Variants in PPP2R5E observed in about 807,000 individuals in gnomAD.
The protein encoded by PPP2R5E is serine/threonine-protein phosphatase 2A 56 kDa regulatory subunit epsilon isoform.
PPP2R5E carries 4 observed loss-of-function variants against 65.3 expected under a neutral mutation model. The observed-to-expected ratio is 0.06, with a 90% confidence interval of 0.03 to 0.14. PPP2R5E has a LOEUF of 0.14. PPP2R5E is among the 10% of genes least tolerant of loss of function. The pLI, the probability that PPP2R5E is intolerant of heterozygous loss-of-function variation, is 1.00. For synonymous variants in PPP2R5E, 183 were observed against 187.4 expected (o/e 0.98, Z 0.19); for missense variants, 274 against 556.1 (o/e 0.49, Z 5.10).
chr14:63,401,157 T>G (rs1016124666), intron 5 of PPP2R5E, among the ~76,000 whole-genome samples: 3 of 152,220 alleles, frequency 2.0e-5, no homozygotes, highest in African/African-American at 7.2e-5. Flanking sequence ...TCTGCTTCTC[T>G]GTAGAGAACA....
At chr14:63,478,449 G>A (rs1485845860) in intron 2 of PPP2R5E, among the ~76,000 whole-genome samples, 1 of 151,962 alleles carries the variant, frequency 6.6e-6, no homozygotes, top group South Asian at 2.1e-4. Flanking sequence ...TCAAAAAAAT[G>A]AGTGAGAAAA....
chr14:63,511,703 G>A (rs1203509661), intron 2 of PPP2R5E, among the ~76,000 whole-genome samples: 1 of 152,176 alleles, frequency 6.6e-6, no homozygotes, highest in Non-Finnish European at 1.5e-5. Flanking sequence ...GAAAAGGAAA[G>A]AGCACAAGTC....
intron 3 of PPP2R5E, among the ~76,000 whole-genome samples, chr14:63,448,665 T>C (rs1888640763): frequency 6.6e-6 from 1 of 152,056 alleles, no homozygotes; most frequent in African/African-American, 2.4e-5. Context: ...GGCTCCCGTG[T>C]ATAATGCCAG....
At chr14:63,539,751 G>T in intron 1 of PPP2R5E, 59 bp from the exon 2 acceptor site, 1 of 1,471,812 alleles carries the variant, frequency 6.8e-7, no homozygotes, top group Non-Finnish European at 9.3e-7. Flanking sequence ...ATACATGTGA[G>T]TTATACAAAT....
intron 3 of PPP2R5E, among the ~76,000 whole-genome samples, chr14:63,424,307 G>C (rs1226827967): frequency 6.6e-6 from 1 of 152,152 alleles, no homozygotes; most frequent in Non-Finnish European, 1.5e-5. Context: ...CATATTAAGG[G>C]AGCAGTATCT....
At chr14:63,445,582 C>A (rs1010644054) in intron 3 of PPP2R5E, among the ~76,000 whole-genome samples, 1 of 152,094 alleles carries the variant, frequency 6.6e-6, no homozygotes, top group Non-Finnish European at 1.5e-5. Context: ...GGTGGTCTCA[C>A]GCCTGTAATC....
chr14:63,421,866 C>G, intron 4 of PPP2R5E, 127 bp downstream of exon 4: 1 of 688,930 alleles, frequency 1.5e-6, no homozygotes, highest in Non-Finnish European at 2.5e-6. Context: ...AAAAAACATT[C>G]TCTAACTTTC....
intron 2 of PPP2R5E, 23 bp downstream of exon 2, chr14:63,539,506 C>T (rs756272798): frequency 8.1e-6 from 13 of 1,600,726 alleles, no homozygotes; most frequent in Admixed American, 1.7e-5. Flanking sequence ...AAAAAGAATG[C>T]ATCACCTGGT....
At chr14:63,524,871 C>G (rs78694992) in intron 2 of PPP2R5E, among the ~76,000 whole-genome samples, 1 of 152,214 alleles carries the variant, frequency 6.6e-6, no homozygotes, top group East Asian at 1.9e-4. Flanking sequence ...CACCTTCAGT[C>G]TCCTCGTAAT....
At chr14:63,427,637 A>C (rs911868489) in intron 3 of PPP2R5E, among the ~76,000 whole-genome samples, 1 of 152,052 alleles carries the variant, frequency 6.6e-6, no homozygotes, top group Admixed American at 6.5e-5. Context: ...AGAAAGAAAG[A>C]AAAAAAGGAG....
intron 5 of PPP2R5E, among the ~76,000 whole-genome samples, chr14:63,397,095 C>T (rs920209613): frequency 2.6e-5 from 4 of 152,200 alleles, no homozygotes; most frequent in Admixed American, 6.5e-5. Flanking sequence ...AACGTGCCCA[C>T]GGTCTCACAG....
intron 2 of PPP2R5E, among the ~76,000 whole-genome samples, chr14:63,454,907 A>AT (rs2139483065): frequency 6.6e-6 from 1 of 152,216 alleles, no homozygotes; most frequent in African/African-American, 2.4e-5. Context: ...ATTCTTCTCC[A>AT]TTTTTCACAC....
intron 7 of PPP2R5E, 31 bp downstream of exon 7, chr14:63,395,195 T>C (rs1310691841): frequency 6.4e-7 from 1 of 1,568,024 alleles, no homozygotes; most frequent in Non-Finnish European, 8.8e-7. Flanking sequence ...AATATTCATC[T>C]GAGATTAGCA....
intron 2 of PPP2R5E, among the ~76,000 whole-genome samples, chr14:63,488,710 G>T (rs575241350): frequency 6.6e-6 from 1 of 151,520 alleles, no homozygotes; most frequent in South Asian, 2.1e-4. Flanking sequence ...TTAGCCTGGC[G>T]TGGTGGCGCA....
chr14:63,412,712 A>T (rs551795914), intron 5 of PPP2R5E, among the ~76,000 whole-genome samples: 1 of 152,342 alleles, frequency 6.6e-6, no homozygotes, highest in African/African-American at 2.4e-5. Context: ...ATTTCTATTT[A>T]TCTTGGGGAT....
At chr14:63,483,389 A>G (rs1420242260) in intron 2 of PPP2R5E, among the ~76,000 whole-genome samples, 1 of 151,862 alleles carries the variant, frequency 6.6e-6, no homozygotes, top group East Asian at 1.9e-4. Context: ...TCTCCCTCAA[A>G]GAAGTAGTGA....
chr14:63,517,528 CAT>C (rs975550089), intron 2 of PPP2R5E, among the ~76,000 whole-genome samples: 3 of 152,208 alleles, frequency 2.0e-5, no homozygotes, highest in African/African-American at 7.2e-5. Context: ...CAGAGTCTGA[CAT>C]AATCATGGAT....
intron 4 of PPP2R5E, among the ~76,000 whole-genome samples, chr14:63,420,311 TA>T (rs1475304493): frequency 4.6e-5 from 7 of 152,286 alleles, no homozygotes; most frequent in Non-Finnish European, 1.0e-4. Context: ...CACCAAACAT[TA>T]AGAGTAAGAC....
At chr14:63,481,313 T>G (rs1235761198) in intron 2 of PPP2R5E, among the ~76,000 whole-genome samples, 6 of 151,944 alleles carry the variant, frequency 3.9e-5, no homozygotes, top group African/African-American at 1.5e-4. Flanking sequence ...CTGGCCAACA[T>G]GCTGAAACTC....
Sources: allele counts gnomAD v4.1 joint callset (sites outside exome capture counted in the v4.1 genomes callset), GRCh38; gene constraint gnomAD v4.1.1; transcripts MANE v1.5; gene names NCBI Gene and HGNC (gene_info 2026-07-23, HGNC 2026-07-21).